GRID2: variants seen among roughly 807,000 people sequenced by gnomAD.
The protein encoded by GRID2 is glutamate receptor ionotropic, delta-2.
A neutral mutation model predicts 114.8 loss-of-function variants in GRID2; 33 were observed. The observed-to-expected ratio is 0.29, with a 90% CI of 0.22 to 0.38. The LOEUF is 0.38. GRID2 is among the 10% of genes least tolerant of loss of function. GRID2 has a pLI of 1.00. For missense variants in GRID2, 1,184 were observed against 1,257.7 expected (o/e 0.94, Z 0.89); for synonymous variants, 505 against 449.9 (o/e 1.12, Z -1.55).
intron 1 of GRID2, among the ~76,000 whole-genome samples, chr4:92,493,666 T>C (rs186071086): frequency 6.6e-6 from 1 of 151,776 alleles, no homozygotes; most frequent in East Asian, 1.9e-4. Flanking sequence ...TTGTCTCTCA[T>C]TGACTCCCGT....
intron 13 of GRID2, among the ~76,000 whole-genome samples, chr4:93,581,318 A>T (rs1181788642): frequency 6.6e-6 from 1 of 152,180 alleles, no homozygotes; most frequent in African/African-American, 2.4e-5. Context: ...ATGGTTAATT[A>T]TCCAAAAATC....
intron 9 of GRID2, among the ~76,000 whole-genome samples, chr4:93,401,689 T>C (rs1765905556): frequency 6.6e-6 from 1 of 152,100 alleles, no homozygotes; most frequent in African/African-American, 2.4e-5. Context: ...AACTGTTGCC[T>C]CAATCATAGA....
chr4:93,726,172 G>A (rs911296883), intron 14 of GRID2, among the ~76,000 whole-genome samples: 1 of 152,176 alleles, frequency 6.6e-6, no homozygotes, highest in African/African-American at 2.4e-5. Context: ...TAAGGTGTAA[G>A]GAAGGGATAC....
At chr4:92,898,965 C>T (rs541854852) in intron 2 of GRID2, among the ~76,000 whole-genome samples, 1 of 152,118 alleles carries the variant, frequency 6.6e-6, no homozygotes, top group African/African-American at 2.4e-5. Flanking sequence ...AAGAGTTTTA[C>T]ACAACATAAC....
At chr4:93,107,898 C>G (rs1054990600) in intron 3 of GRID2, among the ~76,000 whole-genome samples, 7 of 152,132 alleles carry the variant, frequency 4.6e-5, no homozygotes, top group African/African-American at 9.7e-5. Flanking sequence ...CTACTTGAAA[C>G]TTTCAATAGA....
intron 14 of GRID2, among the ~76,000 whole-genome samples, chr4:93,689,705 A>G (rs916212367): frequency 6.6e-6 from 1 of 152,152 alleles, no homozygotes; most frequent in Non-Finnish European, 1.5e-5. Flanking sequence ...AAGAAAACAT[A>G]GTCTTTTGGC....
intron 1 of GRID2, among the ~76,000 whole-genome samples, chr4:93,785,135 TG>T (rs2110354076): frequency 6.6e-6 from 1 of 152,244 alleles, no homozygotes; most frequent in African/African-American, 2.4e-5. Context: ...CTGGAACACA[TG>T]GGCCAGGAAA....
At chr4:92,577,964 C>T (rs1727977183) in intron 1 of GRID2, among the ~76,000 whole-genome samples, 1 of 152,004 alleles carries the variant, frequency 6.6e-6, no homozygotes, top group Non-Finnish European at 1.5e-5. Flanking sequence ...GTGAGAATCT[C>T]ACATAAATTA....
chr4:92,661,138 A>G (rs1579790505), intron 2 of GRID2, among the ~76,000 whole-genome samples: 2 of 150,970 alleles, frequency 1.3e-5, no homozygotes, highest in South Asian at 4.2e-4. Context: ...ACACAAGCAG[A>G]AAGGGAGAAT....
intron 4 of GRID2, among the ~76,000 whole-genome samples, chr4:93,155,836 G>T (rs1418185937): frequency 1.3e-5 from 2 of 151,712 alleles, no homozygotes. Flanking sequence ...GCGAGGGCAT[G>T]GGGGGTAGTG....
chr4:93,542,518 T>C (rs189929890), intron 13 of GRID2, among the ~76,000 whole-genome samples: 26 of 152,300 alleles, frequency 1.7e-4, no homozygotes, highest in Non-Finnish European at 2.9e-4. Context: ...AGTTTCATTG[T>C]TTCTGCCTTT....
rs1743227823 is a variant in GRID2 at position 92,845,283 on chromosome 4, T to C, written c.245-239712T>C. On this transcript the variant is annotated intron_variant, in intron 2 of 15. Coordinates refer to ENST00000282020, the MANE Select transcript of GRID2 (RefSeq NM_001510.4). ...GGTTTGTTTTTGATGCTCATATTCA[T>C]ACAGAGCAGAAGCAGTAGCCCTGTA... is the stretch of plus-strand genomic sequence containing the variant. Among the ~76,000 whole-genome samples, 3 of 152,162 alleles carry C rather than the reference T, an allele frequency of 2.0e-5. No homozygotes were observed. In the South Asian group the frequency reaches 6.2e-4, roughly 32 times the overall value.
chr4:93,160,167 G>C (rs1034708410), intron 4 of GRID2, among the ~76,000 whole-genome samples: 1 of 151,672 alleles, frequency 6.6e-6, no homozygotes, highest in Non-Finnish European at 1.5e-5. Context: ...TTCGTGAGTT[G>C]TAAAACACAG....
intron 1 of GRID2, among the ~76,000 whole-genome samples, chr4:92,400,276 A>G (rs1458029827): frequency 6.6e-6 from 1 of 152,124 alleles, no homozygotes; most frequent in African/African-American, 2.4e-5. Flanking sequence ...CTCTCCCTCC[A>G]GTTCCCAGAA....
At chr4:93,148,108 T>C (rs1472491878) in intron 4 of GRID2, among the ~76,000 whole-genome samples, 1 of 152,194 alleles carries the variant, frequency 6.6e-6, no homozygotes, top group African/African-American at 2.4e-5. Context: ...ATAGAAGCCA[T>C]GATGTGTGGC....
intron 8 of GRID2, among the ~76,000 whole-genome samples, chr4:93,252,601 A>C (rs1579434465): frequency 6.6e-6 from 1 of 152,242 alleles, no homozygotes; most frequent in Middle Eastern, 3.4e-3. Context: ...TATTTCTCTG[A>C]AGAATGTCAA....
At chr4:93,220,810 A>G (rs1398403230) in intron 6 of GRID2, among the ~76,000 whole-genome samples, 3 of 152,204 alleles carry the variant, frequency 2.0e-5, no homozygotes, top group Non-Finnish European at 2.9e-5. Flanking sequence ...ACAAGATTCT[A>G]TTCTTGGACC....
intron 1 of GRID2, among the ~76,000 whole-genome samples, chr4:92,499,558 G>A (rs948235263): frequency 6.6e-5 from 10 of 152,072 alleles, no homozygotes; most frequent in African/African-American, 9.7e-5. Context: ...CTCATATTGA[G>A]CATTTTAAAT....
intron 13 of GRID2, among the ~76,000 whole-genome samples, chr4:93,524,217 C>T (rs72670611): frequency 0.04 from 6,015 of 152,150 alleles, 212 homozygotes; most frequent in African/African-American, 0.093. Flanking sequence ...TCTACGAAAA[C>T]GCCAAGCCTG....
Sources: allele counts gnomAD v4.1 joint callset (sites outside exome capture counted in the v4.1 genomes callset), GRCh38; gene constraint gnomAD v4.1.1; transcripts MANE v1.5; gene names NCBI Gene and HGNC (gene_info 2026-07-23, HGNC 2026-07-21).